The following CCNH variants were observed in gnomAD, a reference collection of about 807,000 sequenced individuals.
The protein encoded by CCNH is cyclin-H.
Under a neutral mutation model 41.9 loss-of-function variants are expected in CCNH, and 31 were observed. The observed-to-expected ratio is 0.74, with a 90% confidence interval of 0.56 to 1.00. The LOEUF (loss-of-function observed/expected upper bound fraction) is 1.00, where lower values mean the gene tolerates loss of function less well. Among genes scored for constraint, CCNH ranks in the 50% least tolerant of loss-of-function variants. The probability of loss-of-function intolerance (pLI) is 0.00; values close to 1 mark genes in which losing one functional copy is unlikely to be tolerated. For missense variants in CCNH, 362 were observed against 388.4 expected (o/e 0.93, Z 0.57); for synonymous variants, 138 against 136.1 (o/e 1.01, Z -0.10).
At chr5:87,374,951 A>G, downstream of CCNH, 5 of 1,588,906 alleles carry the variant, frequency 3.1e-6, no homozygotes, top group Non-Finnish European at 4.3e-6. Flanking sequence ...AAATAGAAAA[A>G]GCATGTTTTA....
intron 9 of CCNH, among the ~76,000 whole-genome samples, chr5:87,355,970 T>A (rs571279521): frequency 3.9e-5 from 6 of 152,348 alleles, no homozygotes; most frequent in African/African-American, 1.4e-4. Flanking sequence ...ACTCCACTTT[T>A]GTGATGAAAC....
At position 87,354,656 on chromosome 5, in the gene CCNH, G is replaced by A. The variant is rs1580338138; in HGVS notation, c.*91-35759C>T. ...TCTAAATGGTCAAGTGAAAGGAAAA[G>A]TCACATGTCTCTCACATTAAGTCAA... is the stretch of plus-strand genomic sequence containing the variant. On this transcript the variant is annotated intron_variant and NMD_transcript_variant, in intron 9 of 9. Coordinates refer to the CCNH transcript ENST00000645953. Among the ~76,000 whole-genome samples the A allele has an allele frequency of 2.0e-5, 3 of 152,224 alleles. No individual in the cohort carries two copies. In the East Asian group the frequency reaches 5.8e-4, roughly 29 times the overall value.
intron 9 of CCNH, among the ~76,000 whole-genome samples, chr5:87,384,282 C>T (rs1438891257): frequency 6.6e-6 from 1 of 152,090 alleles, no homozygotes; most frequent in African/African-American, 2.4e-5. Context: ...TTTTAAACTT[C>T]AGTAAACCTG....
rs3069490 is a variant in CCNH at position 87,338,501 on chromosome 5, TTATATATATATATATATA to T, written c.*91-19622_*91-19605del. ...CATGTGCCACCATGCCCAGCTAATT[TTATATATATATATATATA>T]TATATATATATATAAAATTTTTTTT... On this transcript the variant is annotated intron_variant and NMD_transcript_variant, in intron 9 of 9. Transcript: ENST00000645953. Among the ~76,000 whole-genome samples the T allele has an allele frequency of 9.3e-5, 7 of 75,670 alleles. No homozygotes were observed. In the South Asian group the frequency reaches 3.6e-3, roughly 39 times the overall value. The allele number at this position is 75,670 out of a possible 152,430, so 49.6% of individuals were successfully genotyped here. A position where few individuals can be genotyped will look rare whatever the true frequency, so the allele number is the denominator to read the frequency against.
chr5:87,340,447 A>G (rs1174806328), intron 9 of CCNH, among the ~76,000 whole-genome samples: 2 of 151,764 alleles, frequency 1.3e-5, no homozygotes, highest in South Asian at 2.1e-4. Context: ...ACTCCCTTGG[A>G]TATAGTAACA....
At chr5:87,362,934 G>A (rs1760227355) in intron 9 of CCNH, among the ~76,000 whole-genome samples, 1 of 149,364 alleles carries the variant, frequency 6.7e-6, no homozygotes, top group African/African-American at 2.5e-5. Flanking sequence ...ACTCCTTATG[G>A]CACATGGCAC....
rs1328088444 is a variant in CCNH at position 87,338,530 on chromosome 5, TATAAA to T, written c.*91-19638_*91-19634del. 6.6e-4 allele frequency among the ~76,000 whole-genome samples: 64 copies of T among 97,504 alleles called. 4 individuals are homozygous for T. The highest frequency in any genetic ancestry group is 3.2e-3 in the East Asian group (9 of 2,820). The allele number at this position is 97,504 out of a possible 152,430, so 64.0% of individuals were successfully genotyped here. On this transcript the variant is annotated intron_variant and NMD_transcript_variant, in intron 9 of 9. Coordinates refer to the CCNH transcript ENST00000645953. ...ATATATATATATATATATATATATA[TATAAA>T]ATTTTTTTTTTTTTTAAGTAGAAAT...
chr5:87,360,417 A>G lies in CCNH; in HGVS notation c.*90+32353T>C, dbSNP rs969923774. On this transcript the variant is annotated intron_variant and NMD_transcript_variant, in intron 9 of 9. Transcript: ENST00000645953. ...GGGATTAAAGGCGTGAGCAAAATGC[A>G]GTACTTTTGAAAACTCTGATGGCTC... is the stretch of plus-strand genomic sequence containing the variant. Among the ~76,000 whole-genome samples the G allele has an allele frequency of 3.3e-5, 5 of 152,190 alleles. No individual in the cohort carries two copies. The East Asian group carries it at 9.6e-4, about 29-fold the overall frequency.
intron 9 of CCNH, among the ~76,000 whole-genome samples, chr5:87,327,332 A>T (rs1757303116): frequency 1.3e-5 from 2 of 152,160 alleles, no homozygotes; most frequent in Admixed American, 6.6e-5. Context: ...TATAAAGCCT[A>T]TGTAGTATTT....
At chr5:87,355,485 T>C (rs1353758189) in intron 9 of CCNH, among the ~76,000 whole-genome samples, 1 of 152,150 alleles carries the variant, frequency 6.6e-6, no homozygotes, top group Non-Finnish European at 1.5e-5. Flanking sequence ...AACCTACTGC[T>C]CAGAACAAAC....
rs374123035 is a variant in CCNH at position 87,395,156 on chromosome 5, T to C, written c.873-52A>G. On this transcript the variant is annotated intron_variant, in intron 7 of 8. Transcript: ENST00000256897. Reference sequence around the variant, plus strand: ...AATCCAATACCAGCCACAGAAACTATAAAATGTAAAATAAACTAGCAAGGC... The same window carrying C: ...AATCCAATACCAGCCACAGAAACTACAAAATGTAAAATAAACTAGCAAGGC... 217 of 1,509,174 alleles carry C rather than the reference T, an allele frequency of 1.4e-4. 2 individuals carry two copies. The highest frequency in any genetic ancestry group is 5.2e-4 in the Middle Eastern group (3 of 5,734). 93.5% of individuals were successfully genotyped at this position (1,509,174 alleles called of 1,614,324 possible).
At chr5:87,402,885 T>C (rs1405018512) in intron 5 of CCNH, among the ~76,000 whole-genome samples, 3 of 152,228 alleles carry the variant, frequency 2.0e-5, no homozygotes, top group African/African-American at 7.2e-5. Flanking sequence ...AAGAGTTGGC[T>C]GACTAGACTC....
intron 4 of CCNH, among the ~76,000 whole-genome samples, chr5:87,407,602 C>G (rs1208337875): frequency 6.6e-6 from 1 of 152,162 alleles, no homozygotes; most frequent in Non-Finnish European, 1.5e-5. Context: ...TGGTTTAAAT[C>G]AGGCCCAGAT....
At position 87,409,337 on chromosome 5, in the gene CCNH, A is replaced by C. The variant is rs767322190; in HGVS notation, c.267T>G (p.Arg89=). 6 of 1,573,278 alleles carry C rather than the reference A, an allele frequency of 3.8e-6. No homozygotes were observed. In the South Asian group the frequency reaches 6.7e-5, roughly 17 times the overall value. The change falls in exon 3 of 9, where the codon CGT becomes CGG. Residue 89 remains arginine, a synonymous_variant. Coordinates refer to ENST00000256897, the MANE Select transcript of CCNH (RefSeq NM_001239.4). ...VVGTACMYFK[R]FYLNNSVMEY... is the part of the protein sequence containing the mutation. Reference sequence around the variant, plus strand: ...CCATTACTGAGTTATTAAGATAAAAACGTTTGAAATACATACAAGCCGTAC... The same window carrying C: ...CCATTACTGAGTTATTAAGATAAAACCGTTTGAAATACATACAAGCCGTAC...
At chr5:87,367,016 G>A (rs901865457) in intron 9 of CCNH, among the ~76,000 whole-genome samples, 4 of 152,204 alleles carry the variant, frequency 2.6e-5, no homozygotes, top group African/African-American at 9.6e-5. Flanking sequence ...CCATGGCAGA[G>A]TGAGGCCCGG....
chr5:87,374,130 G>GT (rs1761145197), downstream of CCNH: 5 of 1,304,588 alleles, frequency 3.8e-6, no homozygotes, highest in African/African-American at 1.6e-5. Flanking sequence ...GAAATCTGGG[G>GT]TAATATATAT....
At chr5:87,389,277 G>C, downstream of CCNH, 1 of 1,363,736 alleles carries the variant, frequency 7.3e-7, no homozygotes, top group Middle Eastern at 2.0e-4. Context: ...GTTGCAGTGA[G>C]CCGAGATCAT....
chr5:87,394,676 A>G lies in CCNH; in HGVS notation c.934-192T>C, dbSNP rs1287792175. The G allele has an allele frequency of 7.9e-6, 11 of 1,386,274 alleles. No individual in the cohort carries two copies. The South Asian group carries it at 2.1e-4, about 26-fold the overall frequency. The allele number at this position is 1,386,274 out of a possible 1,614,324, so 85.9% of individuals were successfully genotyped here. ...TCACCAGACTCCTCCAGTGAGGAAT[A>G]AAGGTTATGGCTGTGACCTTTTGCC... On this transcript the variant is annotated intron_variant, in intron 8 of 8. Transcript: ENST00000256897.
chr5:87,346,521 G>A (rs1292720323), intron 9 of CCNH: 3 of 485,668 alleles, frequency 6.2e-6, no homozygotes, highest in South Asian at 2.9e-5. Flanking sequence ...TATATAAAAT[G>A]TATTAAAATG....
Sources: gnomAD v4.1 joint callset for allele counts (sites outside exome capture counted in the v4.1 genomes callset) on GRCh38, gnomAD v4.1.1 for gene constraint, MANE v1.5 for transcripts, NCBI Gene and HGNC (gene_info 2026-07-23, HGNC 2026-07-21) for gene names.